Variants in PRSS23 observed in about 807,000 individuals in gnomAD.
PRSS23 encodes the protein protease, serine 23.
Under a neutral mutation model 34.7 loss-of-function variants are expected in PRSS23, and 25 were observed. The ratio of observed to expected loss-of-function variants is 0.72; its 90% CI spans 0.53 to 1.01. The LOEUF is 1.01. Among genes scored for constraint, PRSS23 ranks in the 50% least tolerant of loss-of-function variants. PRSS23 has a pLI of 0.00. For missense variants in PRSS23, 445 were observed against 475.6 expected (o/e 0.94, Z 0.60); for synonymous variants, 176 against 186.6 (o/e 0.94, Z 0.46).
In PRSS23 at chr11:86,808,991, TATC is replaced by T. The variant is rs1253095977; in HGVS notation, c.*199_*201del. On this transcript the variant is annotated 3_prime_UTR_variant, in exon 2 of 2. Coordinates refer to ENST00000280258, the MANE Select transcript of PRSS23 (RefSeq NM_007173.6). ...TATTTGAAAACTGGTTTGTGTATCA[TATC>T]ATATATCATTTAAGCAGTTTGAAGG... 5.7e-6 allele frequency: 3 copies of T among 521,860 alleles called. No homozygotes were observed. Among genetic ancestry groups the T allele is most frequent in the African/African-American group, 2.1e-5 (1 of 48,248 alleles). The allele number at this position is 521,860 out of a possible 1,614,324, so 32.3% of individuals were successfully genotyped here.
At chr11:86,929,724 AG>A (rs1949110942) in intron 2 of PRSS23, among the ~76,000 whole-genome samples, 1 of 152,380 alleles carries the variant, frequency 6.6e-6, no homozygotes, top group South Asian at 2.1e-4. Flanking sequence ...CACACTCATA[AG>A]AAATAACATC....
At chr11:86,849,470 T>C (rs1224863890) in intron 2 of PRSS23, among the ~76,000 whole-genome samples, 1 of 152,110 alleles carries the variant, frequency 6.6e-6, no homozygotes, top group Non-Finnish European at 1.5e-5. Flanking sequence ...GGAAGGACAA[T>C]TAGGAAAGGC....
intron 2 of PRSS23, among the ~76,000 whole-genome samples, chr11:86,844,844 C>CT (rs1197619761): frequency 6.6e-6 from 1 of 152,156 alleles, no homozygotes; most frequent in Non-Finnish European, 1.5e-5. Flanking sequence ...AATCCCAGCA[C>CT]TTTGAGAGGC....
In PRSS23 at chr11:86,808,922, A is replaced by C; in HGVS notation, c.*127A>C. On this transcript the variant is annotated 3_prime_UTR_variant, in exon 2 of 2. Transcript: ENST00000280258. ...TGTGTGTGTGTGTAAGGTGTCTTATAATCTTTTACCTATTTCTTACAATTG... is the reference window on the plus strand; with the variant it reads ...TGTGTGTGTGTGTAAGGTGTCTTATCATCTTTTACCTATTTCTTACAATTG... The C allele has an allele frequency of 1.3e-6, 1 of 782,470 alleles. No individual in the cohort carries two copies. Among genetic ancestry groups the C allele is most frequent in the South Asian group, 2.0e-5 (1 of 49,204 alleles). The allele number at this position is 782,470 out of a possible 1,614,324, so 48.5% of individuals were successfully genotyped here.
At chr11:86,860,923 G>C (rs1223344603) in intron 2 of PRSS23, among the ~76,000 whole-genome samples, 2 of 151,630 alleles carry the variant, frequency 1.3e-5, no homozygotes, top group African/African-American at 2.4e-5. Flanking sequence ...CTTAATATCC[G>C]TGGGGTGAGT....
chr11:86,950,197 G>A (rs920670091), intron 2 of PRSS23: 3 of 152,602 alleles, frequency 2.0e-5, no homozygotes, highest in Non-Finnish European at 2.9e-5. Context: ...ACTGGCGTCT[G>A]CATAGATGCA....
At chr11:86,903,961 G>A (rs542212600) in intron 2 of PRSS23, among the ~76,000 whole-genome samples, 86 of 130,856 alleles carry the variant, frequency 6.6e-4, no homozygotes, top group Non-Finnish European at 1.3e-3. Context: ...AATTTAGAAT[G>A]TGCTGAAATA....
intron 2 of PRSS23, chr11:86,833,579 C>T (rs1565360043): frequency 4.4e-6 from 1 of 225,936 alleles, no homozygotes; most frequent in Non-Finnish European, 8.8e-6. Context: ...GGCTCGAATG[C>T]CTGGGTTTAT....
At chr11:86,835,162 CA>C (rs989023256) in intron 2 of PRSS23, among the ~76,000 whole-genome samples, 1 of 152,192 alleles carries the variant, frequency 6.6e-6, no homozygotes, top group African/African-American at 2.4e-5. Flanking sequence ...TTTAAGTAAA[CA>C]GTTGTCTGAC....
chr11:86,897,996 A>G (rs1329257227), intron 2 of PRSS23, among the ~76,000 whole-genome samples: 11 of 152,222 alleles, frequency 7.2e-5, no homozygotes. Context: ...TCTACTTCGA[A>G]TCAGATGCTA....
At chr11:86,950,844 T>C (rs1335771034) in intron 2 of PRSS23, 3 of 460,822 alleles carry the variant, frequency 6.5e-6, no homozygotes, top group South Asian at 2.3e-5. Flanking sequence ...TCCTGGAATC[T>C]AGGCAGGACC....
rs192354266 is a variant in PRSS23, at chr11:86,847,516, G to A, written c.206+23923G>A. 7.2e-4 allele frequency among the ~76,000 whole-genome samples: 109 copies of A among 152,252 alleles called. 2 individuals carry two copies. The East Asian group carries it at 0.018, about 25-fold the overall frequency. ...CGGCCATGAGCTTTCAGCACAATTA[G>A]TCCTGACCCTTAGGGGACACCCTAA... On this transcript the variant is annotated intron_variant, in intron 2 of 2. Coordinates refer to the PRSS23 transcript ENST00000533902.
intron 2 of PRSS23, among the ~76,000 whole-genome samples, chr11:86,846,174 C>T (rs1367665384): frequency 6.6e-6 from 1 of 152,142 alleles, no homozygotes; most frequent in Admixed American, 6.5e-5. Context: ...CTCTATCACT[C>T]ACCATAGTCA....
chr11:86,884,975 A>G (rs1248234058), intron 2 of PRSS23, among the ~76,000 whole-genome samples: 2 of 152,306 alleles, frequency 1.3e-5, no homozygotes, highest in East Asian at 3.9e-4. Context: ...TACTCACAAT[A>G]TATTTGTCTC....
rs543030629 is a variant in PRSS23 at position 86,931,351 on chromosome 11, C to CA, written c.207-19859dup. On this transcript the variant is annotated intron_variant, in intron 2 of 2. Coordinates refer to the PRSS23 transcript ENST00000533902. ...AAGAAAAAAGCCACTAAATTTCCAT[C>CA]AAAAAATGAATTAATAAGCAAATTG... is the stretch of plus-strand genomic sequence containing the variant. 3.9e-3 allele frequency among the ~76,000 whole-genome samples: 590 copies of CA among 151,992 alleles called. 4 individuals carry two copies. Among genetic ancestry groups the CA allele is most frequent in the Non-Finnish European group, 7.0e-3 (476 of 67,960 alleles).
exon 3 of PRSS23, chr11:86,951,820 A>G: frequency 6.2e-7 from 1 of 1,613,822 alleles, no homozygotes; most frequent in Non-Finnish European, 8.5e-7. Flanking sequence ...TGGCCATTCC[A>G]AAAAAGTACA....
At chr11:86,832,730 C>T (rs1195758347) in intron 2 of PRSS23, 5 of 296,828 alleles carry the variant, frequency 1.7e-5, no homozygotes, top group Non-Finnish European at 3.3e-5. Flanking sequence ...CAGGGGAGAC[C>T]CACAGGTGGA....
intron 2 of PRSS23, among the ~76,000 whole-genome samples, chr11:86,908,134 C>T (rs1320516118): frequency 6.6e-6 from 1 of 152,122 alleles, no homozygotes; most frequent in Non-Finnish European, 1.5e-5. Flanking sequence ...AGGTTGTTTC[C>T]ACATGTCAGC....
intron 2 of PRSS23, among the ~76,000 whole-genome samples, chr11:86,942,600 G>A (rs577171056): frequency 6.6e-6 from 1 of 152,290 alleles, no homozygotes; most frequent in African/African-American, 2.4e-5. Flanking sequence ...ATCAGGCAGT[G>A]GATGGAAAAT....
Sources: allele counts gnomAD v4.1 joint callset (sites outside exome capture counted in the v4.1 genomes callset), GRCh38; gene constraint gnomAD v4.1.1; transcripts MANE v1.5; gene names NCBI Gene and HGNC (gene_info 2026-07-23, HGNC 2026-07-21).